CAPN13: variants seen among roughly 807,000 people sequenced by gnomAD.
The protein encoded by CAPN13 is calpain 13.
In CAPN13, 90 loss-of-function variants were observed where a neutral mutation model predicts 98.4. The ratio of observed to expected loss-of-function variants is 0.92; its 90% CI spans 0.77 to 1.09. The LOEUF (loss-of-function observed/expected upper bound fraction) is 1.09, where lower values mean the gene tolerates loss of function less well. CAPN13 is among the 50% of genes least tolerant of loss of function. The probability of loss-of-function intolerance (pLI) is 0.00; values close to 1 mark genes in which losing one functional copy is unlikely to be tolerated. For missense variants in CAPN13, 887 were observed against 841.3 expected (o/e 1.05, Z -0.67); for synonymous variants, 330 against 305.5 (o/e 1.08, Z -0.84).
chr2:30,730,870 C>T (rs1671047884), intron 21 of CAPN13, 84 bp from the exon 22 acceptor site: 6 of 770,938 alleles, frequency 7.8e-6, no homozygotes, highest in Admixed American at 1.7e-5. Context: ...CCTCCTCCCT[C>T]GGAAGACCTC....
chr2:30,734,382 C>T (rs1409644012), intron 19 of CAPN13, 67 bp downstream of exon 19: 3 of 1,224,332 alleles, frequency 2.5e-6, no homozygotes, highest in East Asian at 4.7e-5. Flanking sequence ...AGCCTTGCTA[C>T]TAGGGGTGTG....
At chr2:30,785,114 A>G (rs1558338021) in intron 2 of CAPN13, among the ~76,000 whole-genome samples, 1 of 152,206 alleles carries the variant, frequency 6.6e-6, no homozygotes, top group Non-Finnish European at 1.5e-5. Context: ...GCACATGTAG[A>G]TAGGGTCCTT....
chr2:30,741,575 A>G, intron 15 of CAPN13: 1 of 1,082,988 alleles, frequency 9.2e-7, no homozygotes, highest in African/African-American at 1.6e-5. Context: ...GAGGTGGCCG[A>G]GTAGGAGAAG....
chr2:30,766,119 C>T (rs1673096306), intron 5 of CAPN13, among the ~76,000 whole-genome samples: 1 of 152,232 alleles, frequency 6.6e-6, no homozygotes, highest in Non-Finnish European at 1.5e-5. Context: ...CATTCCCCAC[C>T]AGTGCTACCT....
intron 13 of CAPN13, 68 bp from the exon 14 acceptor site, chr2:30,742,427 G>A: frequency 1.3e-6 from 2 of 1,530,982 alleles, no homozygotes; most frequent in East Asian, 2.4e-5. Context: ...TGCATATAGA[G>A]GGCACCCAGG....
At chr2:30,783,967 G>A (rs1242133626) in intron 2 of CAPN13, among the ~76,000 whole-genome samples, 2 of 152,064 alleles carry the variant, frequency 1.3e-5, no homozygotes, top group Non-Finnish European at 2.9e-5. Context: ...GATCACTCGA[G>A]GTCAGGAGTT....
chr2:30,800,154 AAGAAAGAAAGAAAG>A (rs1675168679), intron 1 of CAPN13, among the ~76,000 whole-genome samples: 1 of 149,810 alleles, frequency 6.7e-6, no homozygotes, highest in Non-Finnish European at 1.5e-5. Context: ...GAAAGAAAGA[AAGAAAGAAAGAAAG>A]AAAGAAAGAA....
At chr2:30,766,766 A>C (rs1673133033) in intron 5 of CAPN13, among the ~76,000 whole-genome samples, 1 of 152,230 alleles carries the variant, frequency 6.6e-6, no homozygotes, top group South Asian at 2.1e-4. Context: ...AAGGATGGGA[A>C]GCAGCCTACC....
intron 1 of CAPN13, among the ~76,000 whole-genome samples, chr2:30,796,146 A>ATATATATATATACATATATATGTGTG (rs1463333559): frequency 3.0e-4 from 43 of 144,500 alleles, no homozygotes; most frequent in African/African-American, 8.2e-4. Context: ...ATATGTGTGT[A>ATATATATATATACATATATATGTGTG]TATATATATA....
At chr2:30,734,243 C>G (rs767459539) in intron 19 of CAPN13, among the ~76,000 whole-genome samples, 1 of 152,134 alleles carries the variant, frequency 6.6e-6, no homozygotes, top group African/African-American at 2.4e-5. Context: ...TTGAATGGCA[C>G]GTGAGAACTC....
At chr2:30,744,670 C>G (rs555798558) in intron 12 of CAPN13, among the ~76,000 whole-genome samples, 2 of 152,176 alleles carry the variant, frequency 1.3e-5, no homozygotes, top group Non-Finnish European at 2.9e-5. Context: ...CCTGTCCAGG[C>G]TCCTGATCCT....
intron 15 of CAPN13, chr2:30,741,264 G>T: frequency 1.9e-6 from 1 of 523,818 alleles, no homozygotes; most frequent in South Asian, 8.3e-5. Flanking sequence ...CCCTCTGAAT[G>T]CAGAGGCAGG....
At chr2:30,744,810 G>A (rs1671827062) in intron 12 of CAPN13, among the ~76,000 whole-genome samples, 1 of 152,176 alleles carries the variant, frequency 6.6e-6, no homozygotes, top group Non-Finnish European at 1.5e-5. Flanking sequence ...GCACAGACCT[G>A]ACTCTAGTTC....
At chr2:30,727,172 T>TA (rs946965292) in intron 22 of CAPN13, among the ~76,000 whole-genome samples, 11 of 152,070 alleles carry the variant, frequency 7.2e-5, no homozygotes, top group African/African-American at 2.7e-4. Context: ...TCACACCATA[T>TA]AAAAAATGAT....
Position 30,741,915 on chromosome 2 carries a change from G to C in CAPN13, c.1529C>G (p.Ala510Gly). 1 of 1,613,952 alleles carries C rather than the reference G, an allele frequency of 6.2e-7. No individual in the cohort carries two copies. The highest frequency in any genetic ancestry group is 1.1e-5 in the South Asian group (1 of 91,080). The change falls in exon 15 of 23, where the codon GCT becomes GGT. Residue 510 changes from alanine to glycine, a missense_variant. Physicochemically the swap from Ala to Gly is moderately conservative, Grantham distance 60. Coordinates refer to ENST00000295055, the MANE Select transcript of CAPN13 (RefSeq NM_144575.3). ...GSQQSIFNRY[A>G]QQRLDIDATQ... ...GGGTGCTAGGTACCATACCTGCTGAGCATATCTGTTGAAAATGCTTTGTTG... is the reference window on the plus strand; with the variant it reads ...GGGTGCTAGGTACCATACCTGCTGACCATATCTGTTGAAAATGCTTTGTTG...
intron 1 of CAPN13, among the ~76,000 whole-genome samples, chr2:30,804,537 G>A (rs945741716): frequency 2.0e-5 from 3 of 152,192 alleles, no homozygotes; most frequent in African/African-American, 7.2e-5. Context: ...GGAGGGAAGA[G>A]TAGGAGGCAA....
chr2:30,745,815 T>C (rs1164628434), intron 11 of CAPN13, 81 bp from the exon 12 acceptor site: 7 of 1,246,270 alleles, frequency 5.6e-6, no homozygotes, highest in East Asian at 2.5e-5. Context: ...GCTTGGCTCA[T>C]TGGTTTCATC....
intron 11 of CAPN13, among the ~76,000 whole-genome samples, chr2:30,746,099 G>A (rs57038400): frequency 1.3e-3 from 193 of 151,974 alleles, no homozygotes; most frequent in African/African-American, 4.5e-3. Context: ...GGGTTTCACC[G>A]TGTTGGTCAG....
chr2:30,786,887 A>G (rs1217185999), intron 2 of CAPN13, among the ~76,000 whole-genome samples: 1 of 152,182 alleles, frequency 6.6e-6, no homozygotes, highest in Admixed American at 6.5e-5. Context: ...AAACTGAGGT[A>G]TTTTAATTTA....
Sources: allele counts gnomAD v4.1 joint callset (sites outside exome capture counted in the v4.1 genomes callset), GRCh38; gene constraint gnomAD v4.1.1; transcripts MANE v1.5; gene names NCBI Gene and HGNC (gene_info 2026-07-23, HGNC 2026-07-21).